APAF1: variants seen among roughly 807,000 people sequenced by gnomAD.
APAF1 encodes apoptotic peptidase activating factor 1.
In APAF1, 91 loss-of-function variants were observed where a neutral mutation model predicts 152.4. The observed-to-expected ratio is 0.60, with a 90% CI of 0.50 to 0.71. The LOEUF is 0.71. Among genes scored for constraint, APAF1 ranks in the 30% least tolerant of loss-of-function variants. APAF1 has a pLI of 0.00. For synonymous variants in APAF1, 484 were observed against 494.1 expected (o/e 0.98, Z 0.27); for missense variants, 1,283 against 1,472.0 (o/e 0.87, Z 2.10).
Position 98,666,111 on chromosome 12 carries a change from T to G in APAF1, c.1195-79T>G, listed in dbSNP as rs186842000. The G allele has an allele frequency of 4.6e-4, 616 of 1,349,004 alleles. 1 individual carries two copies. Among genetic ancestry groups the G allele is most frequent in the South Asian group, 1.0e-3 (85 of 83,676 alleles). 83.6% of individuals were successfully genotyped at this position (1,349,004 alleles called of 1,614,324 possible). A position where few individuals can be genotyped will look rare whatever the true frequency, so the allele number is the denominator to read the frequency against. On this transcript the variant is annotated intron_variant, in intron 8 of 26. Coordinates refer to ENST00000551964, the MANE Select transcript of APAF1 (RefSeq NM_181861.2). ...CTCAGGGCTTTAAGATACCGTTTTT[T>G]TGTGTGTGTGATAATACCTGTCTAC...
chr12:98,711,305 T>A (rs1319904234), intron 20 of APAF1, among the ~76,000 whole-genome samples: 1 of 152,210 alleles, frequency 6.6e-6, no homozygotes, highest in Non-Finnish European at 1.5e-5. Context: ...AAAAGTCATC[T>A]GTCTATAAAG....
chr12:98,713,087 G>A (rs1017886940), intron 21 of APAF1, among the ~76,000 whole-genome samples: 2 of 152,174 alleles, frequency 1.3e-5, no homozygotes, highest in Non-Finnish European at 2.9e-5. Flanking sequence ...CCAGAGTGTT[G>A]GGATTACAGG....
chr12:98,716,663 T>G (rs1183956807), intron 22 of APAF1, among the ~76,000 whole-genome samples: 1 of 152,202 alleles, frequency 6.6e-6, no homozygotes, highest in Non-Finnish European at 1.5e-5. Flanking sequence ...TATTCATTGT[T>G]TTGGATATTC....
chr12:98,728,442 G>A (rs539859053), intron 26 of APAF1, among the ~76,000 whole-genome samples: 11 of 152,022 alleles, frequency 7.2e-5, no homozygotes, highest in Admixed American at 1.3e-4. Flanking sequence ...AATTAGTGCC[G>A]GGTGTGGTGA....
intron 14 of APAF1, 99 bp downstream of exon 14, chr12:98,680,501 C>T (rs1438761302): frequency 8.7e-6 from 10 of 1,150,130 alleles, no homozygotes; most frequent in South Asian, 7.9e-5. Flanking sequence ...AGGACTCTCA[C>T]CTGTTGATCT....
chr12:98,724,853 T>C (rs2097748138), intron 24 of APAF1, among the ~76,000 whole-genome samples: 1 of 152,082 alleles, frequency 6.6e-6, no homozygotes, highest in Non-Finnish European at 1.5e-5. Context: ...CAGTATGTGG[T>C]TGCTAAATGA....
chr12:98,714,733 C>A (rs138987646), intron 21 of APAF1, among the ~76,000 whole-genome samples: 153 of 152,118 alleles, frequency 1.0e-3, no homozygotes, highest in African/African-American at 3.6e-3. Context: ...GCTTTAGCAT[C>A]ATCTGTATTT....
chr12:98,703,254 C>A, intron 17 of APAF1, 117 bp from the exon 18 acceptor site: 2 of 1,092,420 alleles, frequency 1.8e-6, no homozygotes, highest in Non-Finnish European at 1.4e-6. Context: ...ATAATTATGC[C>A]AGTTATCAGT....
At chr12:98,688,784 C>T in intron 16 of APAF1, among the ~76,000 whole-genome samples, 1 of 150,356 alleles carries the variant, frequency 6.7e-6, no homozygotes. Context: ...TTTTTCTTTT[C>T]TTTTCTTTTT....
Position 98,723,278 on chromosome 12 carries a change from G to T in APAF1, c.3170G>T (p.Arg1057Ile). 6.2e-7 allele frequency: 1 copy of T among 1,613,716 alleles called. No individual in the cohort carries two copies. The highest frequency in any genetic ancestry group is 8.5e-7 in the Non-Finnish European group (1 of 1,179,720). The change falls in exon 23 of 27, where the codon AGA becomes ATA. Residue 1057 changes from arginine to isoleucine, a missense_variant. Arg to Ile is a moderately conservative substitution (Grantham distance 97, BLOSUM62 -3). Coordinates refer to ENST00000551964, the MANE Select transcript of APAF1 (RefSeq NM_181861.2). Reference sequence around the variant, plus strand: ...GACTTTAGACTCTTGAAAAATTCAAGACTGCTTTCTTGGTCATTTGATGGA... The same window carrying T: ...GACTTTAGACTCTTGAAAAATTCAATACTGCTTTCTTGGTCATTTGATGGA... ...VKDFRLLKNS[R>I]LLSWSFDGTV...
chr12:98,663,357 G>T (rs1215904385), intron 7 of APAF1, among the ~76,000 whole-genome samples: 1 of 151,948 alleles, frequency 6.6e-6, no homozygotes, highest in African/African-American at 2.4e-5. Flanking sequence ...ATTTTTACAA[G>T]TATTATTTCC....
intron 21 of APAF1, among the ~76,000 whole-genome samples, chr12:98,714,184 C>A (rs2097731338): frequency 6.6e-6 from 1 of 152,158 alleles, no homozygotes; most frequent in South Asian, 2.1e-4. Context: ...GTACCACATT[C>A]TTTTCATTTT....
rs564265584 is a variant in APAF1, at chr12:98,715,554, T to G, written c.3084+2T>G. On this transcript the variant is annotated splice_donor_variant, in intron 22 of 26. Coordinates refer to ENST00000551964, the MANE Select transcript of APAF1 (RefSeq NM_181861.2). LOFTEE classifies it high-confidence loss of function. ...AGTTCTGATGATGCTGAAATTCAGG[T>G]GAGAGGGAGGATGAACTCTTAACAT... 1 of 1,613,342 alleles carries G rather than the reference T, an allele frequency of 6.2e-7. No homozygotes were observed. The highest frequency in any genetic ancestry group is 2.2e-5 in the East Asian group (1 of 44,800).
intron 19 of APAF1, among the ~76,000 whole-genome samples, chr12:98,708,021 A>G (rs1483180089): frequency 1.3e-5 from 2 of 152,150 alleles, no homozygotes; most frequent in South Asian, 2.1e-4. Context: ...ATCTTGGCTC[A>G]CTGCAACCTC....
chr12:98,678,639 G>GCATCC (rs1284636260), intron 13 of APAF1, among the ~76,000 whole-genome samples: 1 of 152,254 alleles, frequency 6.6e-6, no homozygotes, highest in Non-Finnish European at 1.5e-5. Flanking sequence ...GCAGACTCAG[G>GCATCC]CATCCCTGTA....
At chr12:98,698,333 G>A (rs972606386) in intron 16 of APAF1, among the ~76,000 whole-genome samples, 5 of 152,204 alleles carry the variant, frequency 3.3e-5, no homozygotes, top group Non-Finnish European at 5.9e-5. Flanking sequence ...GATTACAGGT[G>A]TGAACCACTG....
At chr12:98,721,806 T>TA (rs1330577547) in intron 22 of APAF1, among the ~76,000 whole-genome samples, 17 of 151,680 alleles carry the variant, frequency 1.1e-4, no homozygotes, top group African/African-American at 1.7e-4. Context: ...GAAAAAGAAG[T>TA]AAAAAAAAGG....
chr12:98,669,378 G>T (rs2097677256), intron 10 of APAF1, among the ~76,000 whole-genome samples: 1 of 151,868 alleles, frequency 6.6e-6, no homozygotes, highest in South Asian at 2.1e-4. Flanking sequence ...GATTTTCATT[G>T]GAAAAACAGA....
chr12:98,688,686 C>T (rs930130814), intron 16 of APAF1, among the ~76,000 whole-genome samples: 5 of 148,964 alleles, frequency 3.4e-5, no homozygotes, highest in African/African-American at 1.2e-4. Flanking sequence ...CTATGTTGCC[C>T]ATGCTTGTCT....
Sources: allele counts gnomAD v4.1 joint callset (sites outside exome capture counted in the v4.1 genomes callset), GRCh38; gene constraint gnomAD v4.1.1; transcripts MANE v1.5; gene names NCBI Gene and HGNC (gene_info 2026-07-23, HGNC 2026-07-21).